The following ZNF675 variants were observed in gnomAD, a reference collection of about 807,000 sequenced individuals.
ZNF675 encodes zinc finger protein 675.
In ZNF675, 36 loss-of-function variants were observed where a neutral mutation model predicts 56.1. That is an observed-to-expected ratio of 0.64 (90% confidence interval 0.49 to 0.85). ZNF675 has a LOEUF of 0.85. Ranked by LOEUF, ZNF675 falls within the 40% of genes least tolerant of loss-of-function variation. ZNF675 has a pLI of 0.00. For missense variants in ZNF675, 663 were observed against 654.2 expected, an observed-to-expected ratio of 1.01 and a Z score of -0.15; for synonymous variants, 200 against 218.9, an observed-to-expected ratio of 0.91 and a Z score of 0.76.
chr19:23,680,497 G>T (rs1269944496), intron 1 of ZNF675, among the ~76,000 whole-genome samples: 1 of 151,502 alleles, frequency 6.6e-6, no homozygotes, highest in Admixed American at 6.6e-5. Context: ...AGTGGCTCAG[G>T]CCTGTAATCC....
At chr19:23,654,821 T>A in intron 3 of ZNF675, 115 bp from the exon 4 acceptor site, 1 of 781,182 alleles carries the variant, frequency 1.3e-6, no homozygotes. Context: ...AGGCCATAAT[T>A]AAGTGTATGT....
intron 1 of ZNF675, among the ~76,000 whole-genome samples, chr19:23,679,336 T>G (rs1463598090): frequency 6.6e-6 from 1 of 151,678 alleles, no homozygotes; most frequent in Non-Finnish European, 1.5e-5. Context: ...TTTAGCACTA[T>G]GTACAAGGCT....
rs199979582 is a variant in ZNF675 at position 23,653,789 on chromosome 19, T to C, written c.1144A>G (p.Asn382Asp). The C allele has an allele frequency of 1.1e-5, 18 of 1,613,794 alleles. No individual in the cohort carries two copies. Among genetic ancestry groups the C allele is most frequent in the Non-Finnish European group, 1.4e-5 (17 of 1,179,936 alleles). The part of the protein sequence containing the change: ...ECGKAFNRSS[N>D]LTEHRKIHTE... ...TGAATTTTCCTATGTTCCGTAAGAT[T>C]TGAGGATCGGTTAAAAGCTTTGCCG... The change falls in exon 4 of 4, where the codon AAT becomes GAT. Residue 382 changes from asparagine (N) to aspartate (D), a missense_variant. This residue lies in a region of ZNF675 where 617 missense variants were observed against 590.5 expected (regional missense o/e 1.04). Coordinates refer to ENST00000359788, the MANE Select transcript of ZNF675 (RefSeq NM_138330.3).
At position 23,653,268 on chromosome 19, in the gene ZNF675, T is replaced by G. The variant is rs144033103; in HGVS notation, c.1665A>C (p.Lys555Asn). ...GTAGTTTCTCTCCAGTATGTATTTT[T>G]TTATGTTTAGTAAGGTTTGCAGATT... ...FNQSANLTKH[K>N]KIHTGEKLQN... The change falls in exon 4 of 4, where the codon AAA (lysine) becomes AAC (asparagine). Residue 555 changes from lysine (K) to asparagine (N), a missense_variant. By Grantham distance (94) the Lys-to-Asn change is moderately conservative. Coordinates refer to ENST00000359788, the MANE Select transcript of ZNF675 (RefSeq NM_138330.3). 89 of 1,610,646 alleles carry G rather than the reference T, an allele frequency of 5.5e-5. No individual in the cohort carries two copies. The highest frequency in any genetic ancestry group is 7.0e-5 in the Non-Finnish European group (83 of 1,178,572).
intron 1 of ZNF675, among the ~76,000 whole-genome samples, chr19:23,669,847 T>A (rs867457126): frequency 9.7e-6 from 1 of 103,148 alleles, no homozygotes; most frequent in African/African-American, 3.7e-5. Flanking sequence ...AGCAAGACTC[T>A]GTCTCAAAAA....
chr19:23,653,589 T>C lies in ZNF675; in HGVS notation c.1344A>G (p.Gly448=). The C allele has an allele frequency of 6.2e-7, 1 of 1,612,820 alleles. No individual in the cohort carries two copies. Among genetic ancestry groups the C allele is most frequent in the Non-Finnish European group, 8.5e-7 (1 of 1,179,494 alleles). The change falls in exon 4 of 4, where the codon GGA becomes GGG. Residue 448 remains glycine, a synonymous_variant. Transcript: ENST00000359788. ...KLTEHKKLHT[G]KKPYKCEECG... ...ATTCTTCACATTTGTAGGGTTTCTTTCCAGTATGAAGTTTCTTATGTTCAG... is the reference window on the plus strand; with the variant it reads ...ATTCTTCACATTTGTAGGGTTTCTTCCCAGTATGAAGTTTCTTATGTTCAG...
chr19:23,681,792 C>T (rs1258396226), intron 1 of ZNF675, among the ~76,000 whole-genome samples: 1 of 151,732 alleles, frequency 6.6e-6, no homozygotes, highest in Non-Finnish European at 1.5e-5. Flanking sequence ...CAGAGCTATT[C>T]ACAGAACTCA....
At chr19:23,656,655 A>G (rs1444680395) in intron 3 of ZNF675, 2 of 150,054 alleles carry the variant, frequency 1.3e-5, no homozygotes, top group East Asian at 3.9e-4. Flanking sequence ...CACACACACA[A>G]TGGATTATTC....
At chr19:23,654,866 T>G in intron 3 of ZNF675, 160 bp from the exon 4 acceptor site, 3 of 310,928 alleles carry the variant, frequency 9.6e-6, no homozygotes, top group East Asian at 8.1e-5. Flanking sequence ...AAGAGCCACA[T>G]AGAAAAAAAA....
chr19:23,660,561 T>TAG, intron 3 of ZNF675, among the ~76,000 whole-genome samples: 1 of 152,220 alleles, frequency 6.6e-6, no homozygotes, highest in Non-Finnish European at 1.5e-5. Flanking sequence ...TCCATAAACT[T>TAG]AAACTCTCTG....
chr19:23,664,465 C>T (rs2051039735), intron 1 of ZNF675, among the ~76,000 whole-genome samples: 1 of 152,064 alleles, frequency 6.6e-6, no homozygotes, highest in Non-Finnish European at 1.5e-5. Context: ...CTCAGGTGTC[C>T]TCCCCTGCCA....
At chr19:23,672,055 T>C (rs762670195) in intron 1 of ZNF675, among the ~76,000 whole-genome samples, 18 of 152,034 alleles carry the variant, frequency 1.2e-4, no homozygotes, top group Admixed American at 7.2e-4. Context: ...TCAGTGCCCC[T>C]GAGCTGGTGG....
rs748231548 is a variant in ZNF675 at position 23,653,756 on chromosome 19, C to T, written c.1177G>A (p.Glu393Lys). ...CATTCTTTACATTTGTAGGGTTTCT[C>T]TTCGGTATGAATTTTCCTATGTTCC... Reference protein sequence around the residue: ...LTEHRKIHTEEKPYKCKECGK... With the variant: ...LTEHRKIHTEKKPYKCKECGK... Residue 393 changes from glutamate (E) to lysine (K), a missense_variant, in exon 4 of 4, where the codon GAG becomes AAG. Physicochemically the swap from Glu to Lys is moderately conservative, Grantham distance 56. Around this residue, in one of 3 missense-constraint regions of ZNF675, gnomAD observed 617 missense variants for 590.5 expected, o/e 1.04. Coordinates refer to ENST00000359788, the MANE Select transcript of ZNF675 (RefSeq NM_138330.3). 1 of 1,613,648 alleles carries T rather than the reference C, an allele frequency of 6.2e-7. No homozygotes were observed. Among genetic ancestry groups the T allele is most frequent in the Non-Finnish European group, 8.5e-7 (1 of 1,179,924 alleles).
chr19:23,658,908 G>GATATAGATCTATAGATATCGATCT (rs1238598265), intron 3 of ZNF675, among the ~76,000 whole-genome samples: 1 of 25,214 alleles, frequency 4.0e-5, no homozygotes, highest in Non-Finnish European at 7.8e-5. Context: ...GATATCTATA[G>GATATAGATCTATAGATATCGATCT]ATAGATATAG....
intron 3 of ZNF675, 131 bp from the exon 4 acceptor site, chr19:23,654,837 C>G: frequency 1.7e-6 from 1 of 595,214 alleles, no homozygotes. Context: ...TATGTGTTGC[C>G]CCAGGTGAGC....
intron 1 of ZNF675, among the ~76,000 whole-genome samples, chr19:23,684,697 A>G (rs1599427118): frequency 6.6e-6 from 1 of 152,242 alleles, no homozygotes; most frequent in South Asian, 2.1e-4. Flanking sequence ...CAGGTCACCA[A>G]TCACTTGAGA....
intron 1 of ZNF675, among the ~76,000 whole-genome samples, chr19:23,668,523 G>A (rs186169732): frequency 2.0e-5 from 3 of 152,184 alleles, no homozygotes; most frequent in African/African-American, 7.2e-5. Context: ...TGCGCCATGC[G>A]CTCACACTCC....
At chr19:23,658,854 G>GAT (rs1968029110) in intron 3 of ZNF675, among the ~76,000 whole-genome samples, 1 of 4,186 alleles carries the variant, frequency 2.4e-4, no homozygotes, top group African/African-American at 7.5e-4. Context: ...TATCTATATA[G>GAT]ATATAGAAAT....
At position 23,654,263 on chromosome 19, in the gene ZNF675, A is replaced by C. The variant is rs1568287430; in HGVS notation, c.670T>G (p.Cys224Gly). 5 of 1,613,176 alleles carry C rather than the reference A, an allele frequency of 3.1e-6. No individual in the cohort carries two copies. The highest frequency in any genetic ancestry group is 1.7e-4 in the Middle Eastern group (1 of 6,048). Residue 224 changes from cysteine (C) to glycine (G), a missense_variant, in exon 4 of 4, where the codon TGT becomes GGT. Cys to Gly is a radical substitution (Grantham distance 159). Around this residue, in one of 3 missense-constraint regions of ZNF675, gnomAD observed 617 missense variants for 590.5 expected, o/e 1.04. Coordinates refer to ENST00000359788, the MANE Select transcript of ZNF675 (RefSeq NM_138330.3). ...KLTKHKRIYTCEKLYKCQECD... is the reference protein window; with the variant it reads ...KLTKHKRIYTGEKLYKCQECD... ...TCTTGACATTTGTAGAGTTTCTCAC[A>C]AGTATAAATTCTTTTATGTTTAGTA...
Sources: gnomAD v4.1 joint callset for allele counts (sites outside exome capture counted in the v4.1 genomes callset) on GRCh38, gnomAD v4.1.1 for gene constraint, gnomAD v4.1.1 regional missense constraint, MANE v1.5 for transcripts, NCBI Gene and HGNC (gene_info 2026-07-23, HGNC 2026-07-21) for gene names.